Variants in NKAIN3 observed in about 807,000 individuals in gnomAD.
NKAIN3 encodes the protein sodium/potassium-transporting ATPase subunit beta-1-interacting protein 3.
NKAIN3 carries 25 observed loss-of-function variants against 30.2 expected under a neutral mutation model. The ratio of observed to expected loss-of-function variants is 0.83; its 90% CI spans 0.60 to 1.16. NKAIN3 has a LOEUF of 1.16. Ranked by LOEUF, NKAIN3 falls within the 50% of genes most tolerant of loss-of-function variation. The probability of loss-of-function intolerance (pLI) is 0.00; values close to 1 mark genes in which losing one functional copy is unlikely to be tolerated. For missense variants in NKAIN3, 225 were observed against 254.1 expected (o/e 0.89, Z 0.78); for synonymous variants, 91 against 89.6 (o/e 1.02, Z -0.09).
rs553242040 is a variant in NKAIN3, at chr8:62,776,855, T to C, written c.471+29726T>C. On this transcript the variant is annotated intron_variant, in intron 4 of 6. Transcript: ENST00000623646. ...TCATTAATGACATTTTCTTTCAAAT[T>C]AAACAACTCCCTGTAGCATTTCTTG... Among the ~76,000 whole-genome samples, 6 of 152,284 alleles carry C rather than the reference T, an allele frequency of 3.9e-5. No homozygotes were observed. In the South Asian group the frequency reaches 1.2e-3, roughly 32 times the overall value.
intron 5 of NKAIN3, among the ~76,000 whole-genome samples, chr8:62,945,775 T>A (rs1406121294): frequency 6.6e-6 from 1 of 152,136 alleles, no homozygotes; most frequent in Non-Finnish European, 1.5e-5. Flanking sequence ...AGAATGAGGA[T>A]CCGAGACAGA....
chr8:62,296,625 C>T (rs1269199790), intron 1 of NKAIN3, among the ~76,000 whole-genome samples: 1 of 152,082 alleles, frequency 6.6e-6, no homozygotes, highest in African/African-American at 2.4e-5. Context: ...GTGATTGAAA[C>T]CTTAAATTTT....
chr8:62,284,590 A>G (rs1813309938), intron 1 of NKAIN3, among the ~76,000 whole-genome samples: 1 of 152,096 alleles, frequency 6.6e-6, no homozygotes, highest in South Asian at 2.1e-4. Flanking sequence ...AGATTGCGCC[A>G]TTTCACTTCA....
At position 62,817,537 on chromosome 8, in the gene NKAIN3, T is replaced by A. The variant is rs151114429; in HGVS notation, c.471+70408T>A. Among the ~76,000 whole-genome samples the A allele has an allele frequency of 5.7e-3, 862 of 152,172 alleles. 4 individuals are homozygous for A. The highest frequency in any genetic ancestry group is 7.1e-3 in the Non-Finnish European group (485 of 67,992). ...GTTGAGAACCAGGTCTTACAGTGATTTTTCAGAGCTCTCTGCCTCTGATAT... is the reference window on the plus strand; with the variant it reads ...GTTGAGAACCAGGTCTTACAGTGATATTTCAGAGCTCTCTGCCTCTGATAT... On this transcript the variant is annotated intron_variant, in intron 4 of 6. Coordinates refer to ENST00000623646, the MANE Select transcript of NKAIN3 (RefSeq NM_001304533.3).
At chr8:62,614,355 G>C (rs1811383816) in intron 3 of NKAIN3, among the ~76,000 whole-genome samples, 2 of 151,604 alleles carry the variant, frequency 1.3e-5, no homozygotes, top group African/African-American at 4.9e-5. Flanking sequence ...AAAACATACA[G>C]AGTCTCTCTC....
intron 1 of NKAIN3, among the ~76,000 whole-genome samples, chr8:62,451,419 A>G (rs1805638878): frequency 6.6e-6 from 1 of 151,748 alleles, no homozygotes; most frequent in South Asian, 2.1e-4. Flanking sequence ...CCTTTTGTCA[A>G]ATGTCGTTGT....
At chr8:62,373,377 T>C (rs1254149774) in intron 1 of NKAIN3, among the ~76,000 whole-genome samples, 1 of 152,208 alleles carries the variant, frequency 6.6e-6, no homozygotes, top group Non-Finnish European at 1.5e-5. Context: ...AGCTGTATGA[T>C]TTCATAATTG....
At chr8:62,428,896 A>C (rs1344234678) in intron 1 of NKAIN3, among the ~76,000 whole-genome samples, 1 of 151,816 alleles carries the variant, frequency 6.6e-6, no homozygotes, top group East Asian at 1.9e-4. Context: ...AGAAAAAAAT[A>C]TTTGCCCAAA....
At chr8:62,885,645 A>G (rs1821124621) in intron 4 of NKAIN3, among the ~76,000 whole-genome samples, 1 of 152,130 alleles carries the variant, frequency 6.6e-6, no homozygotes, top group Non-Finnish European at 1.5e-5. Flanking sequence ...TTTTTGCCTC[A>G]CATATGTTGA....
intron 4 of NKAIN3, among the ~76,000 whole-genome samples, chr8:62,885,511 G>T (rs2130818809): frequency 6.6e-6 from 1 of 152,318 alleles, no homozygotes; most frequent in Middle Eastern, 3.4e-3. Flanking sequence ...GTTGATGGTT[G>T]TGTTGAGTTC....
intron 4 of NKAIN3, among the ~76,000 whole-genome samples, chr8:62,913,881 A>G (rs1424423235): frequency 6.6e-6 from 1 of 152,218 alleles, no homozygotes; most frequent in Non-Finnish European, 1.5e-5. Context: ...CGATCTGTTT[A>G]TACACTTTTG....
At chr8:62,763,864 G>A (rs1816750439) in intron 4 of NKAIN3, among the ~76,000 whole-genome samples, 1 of 152,214 alleles carries the variant, frequency 6.6e-6, no homozygotes, top group African/African-American at 2.4e-5. Flanking sequence ...CAGGCTAAGA[G>A]TATTTAAGGG....
intron 3 of NKAIN3, among the ~76,000 whole-genome samples, chr8:62,633,820 T>C (rs954739827): frequency 6.6e-6 from 1 of 152,090 alleles, no homozygotes; most frequent in Non-Finnish European, 1.5e-5. Flanking sequence ...GGGGAAAGAA[T>C]ATGAAGAAGG....
chr8:62,875,261 C>G (rs1456481538), intron 4 of NKAIN3, among the ~76,000 whole-genome samples: 1 of 152,034 alleles, frequency 6.6e-6, no homozygotes, highest in African/African-American at 2.4e-5. Flanking sequence ...AGGAATACAG[C>G]TAACAAGGGA....
chr8:62,381,072 A>G (rs1817260728), intron 1 of NKAIN3, among the ~76,000 whole-genome samples: 1 of 152,216 alleles, frequency 6.6e-6, no homozygotes, highest in Non-Finnish European at 1.5e-5. Flanking sequence ...AATTAAAAAC[A>G]TAAATTAACT....
At position 62,972,811 on chromosome 8, in the gene NKAIN3, G is replaced by A. The variant is rs1015092355; in HGVS notation, c.*7404G>A. Among the ~76,000 whole-genome samples, 2 of 152,178 alleles carry A rather than the reference G, an allele frequency of 1.3e-5. No individual in the cohort carries two copies. Among genetic ancestry groups the A allele is most frequent in the Admixed American group, 6.6e-5 (1 of 15,258 alleles). On this transcript the variant is annotated 3_prime_UTR_variant, in exon 7 of 7. Transcript: ENST00000623646. ...ATCTACATTAGGTATATCTCCTAAT[G>A]TTATCCCTCCCCTTGTCCCCCACTC...
intron 1 of NKAIN3, among the ~76,000 whole-genome samples, chr8:62,479,251 G>A (rs1017809819): frequency 7.2e-5 from 11 of 152,262 alleles, no homozygotes; most frequent in African/African-American, 2.6e-4. Context: ...TATTAGAACT[G>A]TAGTTTATTA....
Position 62,734,231 on chromosome 8 carries a change from C to T in NKAIN3, c.274-12701C>T, listed in dbSNP as rs183874992. Among the ~76,000 whole-genome samples, 415 of 152,256 alleles carry T rather than the reference C, an allele frequency of 2.7e-3. 3 individuals carry two copies. Among genetic ancestry groups the T allele is most frequent in the African/African-American group, 9.1e-3 (378 of 41,550 alleles). ...CCAGGAGGTGAAGGTTGCAGTGAAC[C>T]GAGACTGAGCCTCTGCACTCCAGCC... is the stretch of plus-strand genomic sequence containing the variant. On this transcript the variant is annotated intron_variant, in intron 3 of 6. Transcript: ENST00000623646.
intron 5 of NKAIN3, among the ~76,000 whole-genome samples, chr8:62,923,378 T>TATAGTG (rs1453196352): frequency 6.6e-6 from 1 of 152,060 alleles, no homozygotes; most frequent in Non-Finnish European, 1.5e-5. Context: ...TTAAATAAAT[T>TATAGTG]TTCTGGGCCC....
Sources: allele counts gnomAD v4.1 joint callset (sites outside exome capture counted in the v4.1 genomes callset), GRCh38; gene constraint gnomAD v4.1.1; transcripts MANE v1.5; gene names NCBI Gene and HGNC (gene_info 2026-07-23, HGNC 2026-07-21).